Variants in PPM1L observed in about 807,000 individuals in gnomAD.
The protein encoded by PPM1L is protein phosphatase 1L.
A neutral mutation model predicts 31.4 loss-of-function variants in PPM1L; 13 were observed. The observed-to-expected ratio is 0.41, with a 90% confidence interval of 0.27 to 0.66. PPM1L has a LOEUF of 0.66. Among genes scored for constraint, PPM1L ranks in the 30% least tolerant of loss-of-function variants. The pLI, the probability that PPM1L is intolerant of heterozygous loss-of-function variation, is 0.29. For missense variants in PPM1L, 326 were observed against 453.7 expected (o/e 0.72, Z 2.56); for synonymous variants, 184 against 175.4 (o/e 1.05, Z -0.39).
chr3:161,006,379 T>C (rs1717704594), intron 2 of PPM1L, among the ~76,000 whole-genome samples: 1 of 152,176 alleles, frequency 6.6e-6, no homozygotes, highest in Non-Finnish European at 1.5e-5. Flanking sequence ...TGTTGTTTGA[T>C]GGGGATAGAG....
At chr3:160,966,158 C>T (rs938832250) in intron 2 of PPM1L, among the ~76,000 whole-genome samples, 2 of 152,070 alleles carry the variant, frequency 1.3e-5, no homozygotes, top group Non-Finnish European at 2.9e-5. Context: ...GTCCATACAA[C>T]AGAGGCTTTC....
chr3:160,957,231 G>C (rs1470011675), intron 1 of PPM1L, among the ~76,000 whole-genome samples: 1 of 152,174 alleles, frequency 6.6e-6, no homozygotes, highest in Non-Finnish European at 1.5e-5. Flanking sequence ...CAAGGGACAT[G>C]ATCTCATTTT....
At chr3:160,897,682 C>G (rs182038717) in intron 1 of PPM1L, among the ~76,000 whole-genome samples, 141 of 152,322 alleles carry the variant, frequency 9.3e-4, no homozygotes, top group African/African-American at 3.2e-3. Context: ...CCTCTCCCTT[C>G]TAAGATTTTA....
chr3:161,068,267 GAA>G (rs2108112436), intron 3 of PPM1L, among the ~76,000 whole-genome samples: 1 of 152,314 alleles, frequency 6.6e-6, no homozygotes, highest in South Asian at 2.1e-4. Context: ...GACATGGTTA[GAA>G]GAGACAGAGC....
rs542801525 is a variant in PPM1L, at chr3:161,065,470, C to T, written c.642C>T (p.Arg214=). The T allele has an allele frequency of 1.7e-5, 27 of 1,614,024 alleles. No homozygotes were observed. In the East Asian group the frequency reaches 2.7e-4, roughly 16 times the overall value. Residue 214 remains arginine (R), a synonymous_variant, in exon 3 of 4, where the codon CGC becomes CGT. Coordinates refer to ENST00000498165, the MANE Select transcript of PPM1L (RefSeq NM_139245.4). ...CTGTGGCCAACGTGGGTGACTCGCG[C>T]GGGGTCCTGTGTGACAAAGATGGGA... The part of the protein sequence containing the change: ...DLTVANVGDS[R]GVLCDKDGNA...
chr3:160,821,727 A>AT (rs1189550224), intron 1 of PPM1L, among the ~76,000 whole-genome samples: 1 of 151,614 alleles, frequency 6.6e-6, no homozygotes, highest in Non-Finnish European at 1.5e-5. Flanking sequence ...GTTTTTACTG[A>AT]TTTTTTTCCT....
At position 160,969,078 on chromosome 3, in the gene PPM1L, G is replaced by A. The variant is rs576034832; in HGVS notation, c.574+7168G>A. ...GTTCCTTTGGGTATCAGAGTTGGGA[G>A]CCTGCATATTCATTTATAAGTGTCA... On this transcript the variant is annotated intron_variant, in intron 2 of 3. Coordinates refer to ENST00000498165, the MANE Select transcript of PPM1L (RefSeq NM_139245.4). Among the ~76,000 whole-genome samples the A allele has an allele frequency of 1.8e-4, 27 of 152,324 alleles. No homozygotes were observed. In the South Asian group the frequency reaches 5.2e-3, roughly 29 times the overall value.
intron 1 of PPM1L, among the ~76,000 whole-genome samples, chr3:160,830,870 A>G (rs77630761): frequency 0.012 from 1,763 of 152,324 alleles, 30 homozygotes; most frequent in African/African-American, 0.04. Flanking sequence ...ACTTAAGAGT[A>G]TTTAAAAACT....
intron 1 of PPM1L, among the ~76,000 whole-genome samples, chr3:160,852,528 T>C (rs1053247141): frequency 2.0e-5 from 3 of 152,212 alleles, no homozygotes; most frequent in Admixed American, 6.5e-5. Context: ...CAGAGTGGGT[T>C]GGTAATTTTA....
intron 2 of PPM1L, among the ~76,000 whole-genome samples, chr3:161,010,741 T>C (rs1269391894): frequency 6.6e-6 from 1 of 152,206 alleles, no homozygotes; most frequent in African/African-American, 2.4e-5. Context: ...TGGTATCTCA[T>C]TTTGGTTTTG....
Position 160,792,197 on chromosome 3 carries a change from G to T in PPM1L, c.399+35490G>T, listed in dbSNP as rs536876475. Among the ~76,000 whole-genome samples the T allele has an allele frequency of 6.0e-4, 92 of 152,180 alleles. 3 individuals carry two copies. In the South Asian group the frequency reaches 0.019, roughly 31 times the overall value. On this transcript the variant is annotated intron_variant, in intron 1 of 3. Coordinates refer to ENST00000498165, the MANE Select transcript of PPM1L (RefSeq NM_139245.4). ...CTAAGACACGTAACTAATTTTTTGG[G>T]TTAGCTAATCAGAGGTGATTAAAGT...
intron 2 of PPM1L, among the ~76,000 whole-genome samples, chr3:161,052,582 C>T (rs9846254): frequency 0.51 from 77,685 of 152,040 alleles, 22,173 homozygotes; most frequent in African/African-American, 0.77. Context: ...ATCCTAATAG[C>T]CCCTAGGACA....
rs1713652994 is a variant in PPM1L, at chr3:160,835,026, TATTACTACTA to T, written c.399+78320_399+78329del. ...GACAACCTATTACTACTACTACTACTATTACTACTACTACTTCTTCTTCTTCTTCTTCTTC... is the reference window on the plus strand; with the variant it reads ...GACAACCTATTACTACTACTACTACTCTACTTCTTCTTCTTCTTCTTCTTC... On this transcript the variant is annotated intron_variant, in intron 1 of 3. Coordinates refer to ENST00000498165, the MANE Select transcript of PPM1L (RefSeq NM_139245.4). 8.2e-5 allele frequency among the ~76,000 whole-genome samples: 12 copies of T among 146,078 alleles called. No individual in the cohort carries two copies. In the Admixed American group the frequency reaches 8.3e-4, roughly 10 times the overall value.
intron 1 of PPM1L, among the ~76,000 whole-genome samples, chr3:160,879,267 T>C (rs1712622678): frequency 6.6e-6 from 1 of 152,210 alleles, no homozygotes; most frequent in Non-Finnish European, 1.5e-5. Flanking sequence ...AAATATTTTA[T>C]AGAACTTTTA....
chr3:160,964,324 T>A (rs897081411), intron 2 of PPM1L, among the ~76,000 whole-genome samples: 8 of 151,894 alleles, frequency 5.3e-5, no homozygotes, highest in Non-Finnish European at 1.2e-4. Context: ...ATATTTTGTA[T>A]GTTATGTGTA....
At position 160,961,766 on chromosome 3, in the gene PPM1L, C is replaced by T; in HGVS notation, c.430C>T (p.Pro144Ser). The T allele has an allele frequency of 1.9e-6, 3 of 1,591,014 alleles. No homozygotes were observed. The highest frequency in any genetic ancestry group is 1.2e-5 in the South Asian group (1 of 85,544). Residue 144 changes from proline (P) to serine (S), a missense_variant, in exon 2 of 4, where the codon CCA (proline) becomes TCA (serine). This residue lies in a region of PPM1L where 201 missense variants were observed against 298.2 expected (regional missense o/e 0.67). Coordinates refer to ENST00000498165, the MANE Select transcript of PPM1L (RefSeq NM_139245.4). ...TAAEYVKSRL[P>S]EALKQHLQDY... is the part of the protein sequence containing the mutation. ...AGCTGAATATGTAAAATCTCGACTC[C>T]CAGAGGCCCTTAAACAGCATCTTCA...
chr3:161,062,184 T>C (rs1354718611), intron 2 of PPM1L, among the ~76,000 whole-genome samples: 9 of 152,184 alleles, frequency 5.9e-5, no homozygotes, highest in Admixed American at 5.9e-4. Context: ...CAGCAGACTT[T>C]TTTGAGTCCT....
chr3:160,757,714 C>T, intron 1 of PPM1L, among the ~76,000 whole-genome samples: 1 of 152,236 alleles, frequency 6.6e-6, no homozygotes, highest in Admixed American at 6.5e-5. Flanking sequence ...TTCATTGCTG[C>T]ATACTCTTTG....
At chr3:161,030,066 C>T (rs1559930263) in intron 2 of PPM1L, among the ~76,000 whole-genome samples, 1 of 152,192 alleles carries the variant, frequency 6.6e-6, no homozygotes, top group Non-Finnish European at 1.5e-5. Flanking sequence ...ATGCCTGTCT[C>T]AGACAAAATT....
Sources: allele counts gnomAD v4.1 joint callset (sites outside exome capture counted in the v4.1 genomes callset), GRCh38; gene constraint gnomAD v4.1.1; regional missense constraint gnomAD v4.1.1; transcripts MANE v1.5; gene names NCBI Gene and HGNC (gene_info 2026-07-23, HGNC 2026-07-21).